Variants in RBFOX3 observed in about 807,000 individuals in gnomAD.
The protein encoded by RBFOX3 is RNA binding protein fox-1 homolog 3.
RBFOX3 carries 17 observed loss-of-function variants against 48.7 expected under a neutral mutation model. The ratio of observed to expected loss-of-function variants is 0.35; its 90% confidence interval spans 0.24 to 0.52. The LOEUF (loss-of-function observed/expected upper bound fraction) is 0.52, where lower values mean the gene tolerates loss of function less well. Ranked by LOEUF, RBFOX3 falls within the 20% of genes least tolerant of loss-of-function variation. The pLI is 0.94. For missense variants in RBFOX3, 382 were observed against 497.5 expected, an observed-to-expected ratio of 0.77 and a Z score of 2.21; for synonymous variants, 212 against 209.5, an observed-to-expected ratio of 1.01 and a Z score of -0.10.
the RBFOX3 span, among the ~76,000 whole-genome samples, chr17:79,654,450 G>A: frequency 6.6e-6 from 1 of 152,200 alleles, no homozygotes; most frequent in East Asian, 1.9e-4. Context: ...GGTTACCTTG[G>A]CTGGGGCATG....
intron 4 of RBFOX3, among the ~76,000 whole-genome samples, chr17:79,180,553 C>T (rs1345760650): frequency 6.6e-6 from 1 of 152,228 alleles, no homozygotes; most frequent in African/African-American, 2.4e-5. Flanking sequence ...GAGGCCTGGC[C>T]GGGTATGGCC....
intron 2 of RBFOX3, among the ~76,000 whole-genome samples, chr17:79,340,594 T>C (rs1338285987): frequency 1.3e-5 from 2 of 152,222 alleles, no homozygotes; most frequent in Admixed American, 1.3e-4. Context: ...TGGGGGTGAT[T>C]AAAGGCAACC....
At chr17:79,346,000 A>G (rs2082861250) in intron 2 of RBFOX3, among the ~76,000 whole-genome samples, 1 of 152,108 alleles carries the variant, frequency 6.6e-6, no homozygotes, top group Admixed American at 6.6e-5. Context: ...GGCTCACTGC[A>G]ATCTGCACCT....
chr17:79,130,331 T>C (rs1423006851), intron 4 of RBFOX3, among the ~76,000 whole-genome samples: 1 of 152,092 alleles, frequency 6.6e-6, no homozygotes, highest in Non-Finnish European at 1.5e-5. Flanking sequence ...CTAGAGGGGC[T>C]TCAGGGATCA....
At chr17:79,278,641 C>T (rs961951394) in intron 3 of RBFOX3, among the ~76,000 whole-genome samples, 16 of 152,228 alleles carry the variant, frequency 1.1e-4, no homozygotes, top group African/African-American at 3.6e-4. Flanking sequence ...GCCCTGCCAG[C>T]GGCAGCCCGC....
intron 4 of RBFOX3, among the ~76,000 whole-genome samples, chr17:79,142,298 C>A (rs2042072676): frequency 6.6e-6 from 1 of 152,188 alleles, no homozygotes. Flanking sequence ...GGCTGCGGAG[C>A]CTCCAGGGGT....
At chr17:79,635,608 C>A in the RBFOX3 span, among the ~76,000 whole-genome samples, 2 of 152,026 alleles carry the variant, frequency 1.3e-5, no homozygotes, top group Non-Finnish European at 2.9e-5. Context: ...TGGCTAAAAA[C>A]AAACAACTTC....
Position 79,462,789 on chromosome 17 carries a change from A to G in RBFOX3, c.-175+19665T>C, listed in dbSNP as rs975669708. Among the ~76,000 whole-genome samples, 6 of 152,334 alleles carry G rather than the reference A, an allele frequency of 3.9e-5. No homozygotes were observed. In the South Asian group the frequency reaches 6.2e-4, roughly 16 times the overall value. ...TGGGGAAATGACTACACACACGTCT[A>G]TCTTTCCAACCCATTAGCTGCCATA... On this transcript the variant is annotated intron_variant, in intron 2 of 14. Coordinates refer to ENST00000693108, the MANE Select transcript of RBFOX3 (RefSeq NM_001350451.2).
At chr17:79,153,169 C>T (rs1293921060) in intron 4 of RBFOX3, among the ~76,000 whole-genome samples, 1 of 152,158 alleles carries the variant, frequency 6.6e-6, no homozygotes, top group East Asian at 1.9e-4. Context: ...TTCTGGGGTC[C>T]CTCCCATTTT....
chr17:79,488,921 T>C (rs752025890), intron 1 of RBFOX3, among the ~76,000 whole-genome samples: 3 of 152,192 alleles, frequency 2.0e-5, no homozygotes, highest in Non-Finnish European at 4.4e-5. Context: ...TTTAGGGACA[T>C]AGCATAGGGG....
In RBFOX3 at chr17:79,198,742, C is replaced by T. The variant is rs2056217532; in HGVS notation, c.-34+37024G>A. Among the ~76,000 whole-genome samples the T allele has an allele frequency of 6.6e-6, 1 of 152,098 alleles. No homozygotes were observed. Among genetic ancestry groups the T allele is most frequent in the African/African-American group, 2.4e-5 (1 of 41,416 alleles). Reference sequence around the variant, plus strand: ...CCGGGTTCAAGCGATTCTCCTGCCTCAGCCTCCCAAGTAGCTGGGATTATA... The same window carrying T: ...CCGGGTTCAAGCGATTCTCCTGCCTTAGCCTCCCAAGTAGCTGGGATTATA... On this transcript the variant is annotated intron_variant, in intron 4 of 14. Transcript: ENST00000693108. The surrounding 1 kb of genome is among the most constrained non-coding windows in gnomAD (Gnocchi z 8.2).
chr17:79,504,872 A>G (rs989023414), intron 1 of RBFOX3, among the ~76,000 whole-genome samples: 1 of 152,176 alleles, frequency 6.6e-6, no homozygotes, highest in East Asian at 1.9e-4. Flanking sequence ...CTAAAAACAT[A>G]TACAGATGCG....
chr17:79,224,921 G>A (rs891766789), intron 4 of RBFOX3, among the ~76,000 whole-genome samples: 7 of 152,190 alleles, frequency 4.6e-5, no homozygotes, highest in African/African-American at 1.4e-4. Flanking sequence ...AAAACTATTA[G>A]TTATTCCTCT....
At chr17:79,528,273 T>A (rs1247971030) in intron 1 of RBFOX3, among the ~76,000 whole-genome samples, 1 of 150,862 alleles carries the variant, frequency 6.6e-6, no homozygotes, top group Admixed American at 6.6e-5. Context: ...CTGAGTAGGA[T>A]CTTAGTTGAA....
intron 1 of RBFOX3, among the ~76,000 whole-genome samples, chr17:79,494,869 A>G (rs2081209568): frequency 6.6e-6 from 1 of 152,172 alleles, no homozygotes; most frequent in Admixed American, 6.5e-5. Context: ...GCCACACCCA[A>G]CAGAGGCACA....
At chr17:79,453,402 G>A (rs1555742855) in intron 2 of RBFOX3, among the ~76,000 whole-genome samples, 1 of 152,186 alleles carries the variant, frequency 6.6e-6, no homozygotes, top group African/African-American at 2.4e-5. Context: ...GCGGCAGATG[G>A]GGAGGCTGGC....
chr17:79,227,439 G>A (rs978224439), intron 4 of RBFOX3, among the ~76,000 whole-genome samples: 9 of 152,202 alleles, frequency 5.9e-5, no homozygotes, highest in East Asian at 1.9e-4. Context: ...GCATCAGCTC[G>A]TCCAGGGCAG....
chr17:79,276,815 A>T (rs2068956656), intron 3 of RBFOX3, among the ~76,000 whole-genome samples: 1 of 152,218 alleles, frequency 6.6e-6, no homozygotes, highest in Non-Finnish European at 1.5e-5. Flanking sequence ...TTCAGCCAAT[A>T]TACAACAGCT....
intron 2 of RBFOX3, among the ~76,000 whole-genome samples, chr17:79,457,044 A>G (rs2074615747): frequency 6.6e-6 from 1 of 152,242 alleles, no homozygotes; most frequent in African/African-American, 2.4e-5. Context: ...AGATAGGTTG[A>G]CACAGATGAC....
Sources: allele counts gnomAD v4.1 joint callset (sites outside exome capture counted in the v4.1 genomes callset), GRCh38; gene constraint gnomAD v4.1.1; non-coding constraint Gnocchi (gnomAD v3.1); transcripts MANE v1.5; gene names NCBI Gene and HGNC (gene_info 2026-07-23, HGNC 2026-07-21).